Variants in FOXJ1 observed in about 807,000 individuals in gnomAD.
The protein encoded by FOXJ1 is forkhead box protein J1.
Under a neutral mutation model 29.3 loss-of-function variants are expected in FOXJ1, and 8 were observed. That is an observed-to-expected ratio of 0.27 (90% CI 0.16 to 0.49). FOXJ1 has a LOEUF of 0.49. FOXJ1 is among the 20% of genes least tolerant of loss of function. The probability of loss-of-function intolerance (pLI) is 0.98; values close to 1 mark genes in which losing one functional copy is unlikely to be tolerated. For missense variants in FOXJ1, 539 were observed against 595.5 expected, an observed-to-expected ratio of 0.91 and a Z score of 0.99; for synonymous variants, 280 against 278.7, an observed-to-expected ratio of 1.00 and a Z score of -0.05.
At chr17:76,138,228 G>A (rs2068492641) in intron 2 of FOXJ1, 108 bp from the exon 3 acceptor site, 4 of 1,210,008 alleles carry the variant, frequency 3.3e-6, no homozygotes, top group East Asian at 4.7e-5. Context: ...TTCTCTGGCA[G>A]GGGAGAGGAG....
chr17:76,137,735 G>T lies in FOXJ1; in HGVS notation c.884C>A (p.Thr295Asn). 1.9e-6 allele frequency: 3 copies of T among 1,611,124 alleles called. No homozygotes were observed. Among genetic ancestry groups the T allele is most frequent in the East Asian group, 2.2e-5 (1 of 44,842 alleles). Residue 295 changes from threonine to asparagine, a missense_variant, in exon 3 of 3, where the codon ACC (threonine) becomes AAC (asparagine). Thr to Asn is a moderately conservative substitution (Grantham distance 65, BLOSUM62 0). This residue lies in a region of FOXJ1 where 302 missense variants were observed against 293.6 expected (regional missense o/e 1.03). Transcript: ENST00000322957. This position sits in a 1 kb window ranked among gnomAD's most constrained non-coding sequence, Gnocchi z 9.5. ...TTCCAGCTCACCCTGCTCCTCCGGG[G>T]TGGGCAGCAGGGTGCTGGGGGGCCG... Reference protein sequence around the residue: ...VPRPPSTLLPTPEEQGELEPL... With the variant: ...VPRPPSTLLPNPEEQGELEPL...
At position 76,137,949 on chromosome 17, in the gene FOXJ1, A is replaced by T; in HGVS notation, c.670T>A (p.Phe224Ile). The T allele has an allele frequency of 6.3e-7, 1 of 1,585,816 alleles. No homozygotes were observed. The highest frequency in any genetic ancestry group is 8.6e-7 in the Non-Finnish European group (1 of 1,166,048). ...RLPPVHIHPAFARQAAQEPSA... is the reference protein window; with the variant it reads ...RLPPVHIHPAIARQAAQEPSA... The stretch of plus-strand genomic sequence containing the variant: ...GGCTCCTGCGCGGCCTGGCGGGCAA[A>T]GGCTGGGTGGATGTGGACAGGGGGC... The change falls in exon 3 of 3, where the codon TTT becomes ATT. Residue 224 changes from phenylalanine to isoleucine, a missense_variant. Phe to Ile is a conservative substitution (Grantham distance 21, BLOSUM62 0). Transcript: ENST00000322957. The surrounding 1 kb of genome is among the most constrained non-coding windows in gnomAD (Gnocchi z 9.5).
Position 76,137,994 on chromosome 17 carries a change from C to G in FOXJ1, c.625G>C (p.Ala209Pro), listed in dbSNP as rs547142797. ...PQYAERLLSG[A>P]FKKRRLPPVH... ...GGGGGCAGTCGCCGCTTCTTGAAAG[C>G]GCCGCTCAGTAGCCGCTCCGCGTAC... is the stretch of plus-strand genomic sequence containing the variant. Residue 209 changes from alanine to proline, a missense_variant, in exon 3 of 3, where the codon GCT (alanine) becomes CCT (proline). This residue lies in a region of FOXJ1 where 178 missense variants were observed against 254.4 expected (regional missense o/e 0.70). Transcript: ENST00000322957. The surrounding 1 kb of genome is among the most constrained non-coding windows in gnomAD (Gnocchi z 9.5). 55 of 1,610,404 alleles carry G rather than the reference C, an allele frequency of 3.4e-5. 1 individual carries two copies. In the South Asian group the frequency reaches 5.7e-4, roughly 17 times the overall value.
Position 76,140,239 on chromosome 17 carries a change from G to C in FOXJ1, c.157C>G (p.Pro53Ala), listed in dbSNP as rs750029084. 1.7e-5 allele frequency: 25 copies of C among 1,461,424 alleles called. No individual in the cohort carries two copies. The African/African-American group carries it at 2.5e-4, about 15-fold the overall frequency. 90.5% of individuals were successfully genotyped at this position (1,461,424 alleles called of 1,614,324 possible). A position where few individuals can be genotyped will look rare whatever the true frequency, so the allele number is the denominator to read the frequency against. The stretch of plus-strand genomic sequence containing the variant: ...CCGTGGGGGTCGGTGCCCCCCGGGG[G>C]CAGGGCGGGGGCCTTGGCGTTGAGA... ...SILNAKAPAL[P>A]PGGTDPHGYH... The change falls in exon 2 of 3, where the codon CCC (proline) becomes GCC (alanine). Residue 53 changes from proline to alanine, a missense_variant. Physicochemically the swap from Pro to Ala is conservative, Grantham distance 27. This residue lies in a region of FOXJ1 where 178 missense variants were observed against 254.4 expected (regional missense o/e 0.70). Transcript: ENST00000322957. The surrounding 1 kb of genome is among the most constrained non-coding windows in gnomAD (Gnocchi z 8.0).
rs1413588766 is a variant in FOXJ1, at chr17:76,136,805, C to G, written c.*548G>C. The G allele has an allele frequency of 6.6e-6, 1 of 152,150 alleles. No homozygotes were observed. Among genetic ancestry groups the G allele is most frequent in the African/African-American group, 2.4e-5 (1 of 41,236 alleles). 9.4% of individuals were successfully genotyped at this position (152,150 alleles called of 1,614,324 possible). On this transcript the variant is annotated 3_prime_UTR_variant, in exon 3 of 3. Coordinates refer to ENST00000322957, the MANE Select transcript of FOXJ1 (RefSeq NM_001454.4). This position sits in a 1 kb window ranked among gnomAD's most constrained non-coding sequence, Gnocchi z 4.9. ...ACCACCTCATTTTGGTCTCCTCTCT[C>G]TGCCCCCTCCCCCAGTCCATCTTCT...
rs757787470 is a variant in FOXJ1 at position 76,140,129 on chromosome 17, G to T, written c.267C>A (p.Gly89=). The T allele has an allele frequency of 1.3e-6, 2 of 1,583,338 alleles. No homozygotes were observed. Among genetic ancestry groups the T allele is most frequent in the Admixed American group, 1.8e-5 (1 of 56,576 alleles). Residue 89 remains glycine, a synonymous_variant, in exon 2 of 3, where the codon GGC becomes GGA. Transcript: ENST00000322957. The surrounding 1 kb of genome is among the most constrained non-coding windows in gnomAD (Gnocchi z 8.0). Reference sequence around the variant, plus strand: ...GCGACGTGCACGACGACGTGGGCTTGCCCGGCGTGTGTGGCTGCCCCAGGC... The same window carrying T: ...GCGACGTGCACGACGACGTGGGCTTTCCCGGCGTGTGTGGCTGCCCCAGGC... The part of the protein sequence containing the change: ...PACLGQPHTP[G]KPTSSCTSRS...
chr17:76,137,310 C>T lies in FOXJ1; in HGVS notation c.*43G>A. 7.0e-7 allele frequency: 1 copy of T among 1,425,244 alleles called. No individual in the cohort carries two copies. Among genetic ancestry groups the T allele is most frequent in the Non-Finnish European group, 9.2e-7 (1 of 1,089,964 alleles). 88.3% of individuals were successfully genotyped at this position (1,425,244 alleles called of 1,614,324 possible). A position where few individuals can be genotyped will look rare whatever the true frequency, so the allele number is the denominator to read the frequency against. On this transcript the variant is annotated 3_prime_UTR_variant, in exon 3 of 3. Transcript: ENST00000322957. This position sits in a 1 kb window ranked among gnomAD's most constrained non-coding sequence, Gnocchi z 9.5. ...CCTGTGTTGGGGGGCAGTTCTGGAC[C>T]CTGACTTGGGCACTGTCCAGAGGTG...
In FOXJ1 at chr17:76,136,377, A is replaced by T. The variant is rs199553385; in HGVS notation, c.*976T>A. 1.3e-5 allele frequency: 2 copies of T among 152,060 alleles called. No individual in the cohort carries two copies. The highest frequency in any genetic ancestry group is 2.9e-5 in the Non-Finnish European group (2 of 67,924). The allele number at this position is 152,060 out of a possible 1,614,324, so 9.4% of individuals were successfully genotyped here. A position where few individuals can be genotyped will look rare whatever the true frequency, so the allele number is the denominator to read the frequency against. On this transcript the variant is annotated 3_prime_UTR_variant, in exon 3 of 3. Transcript: ENST00000322957. The surrounding 1 kb of genome is among the most constrained non-coding windows in gnomAD (Gnocchi z 4.9). The stretch of plus-strand genomic sequence containing the variant: ...TATTTTTAAAAACTTTTCATTGTAA[A>T]TAACTTTCATGAAAAAGGTTAAATT...
Position 76,137,724 on chromosome 17 carries a change from G to T in FOXJ1, c.895C>A (p.Gln299Lys). The T allele has an allele frequency of 2.5e-6, 4 of 1,611,976 alleles. No homozygotes were observed. The highest frequency in any genetic ancestry group is 3.4e-6 in the Non-Finnish European group (4 of 1,179,386). Residue 299 changes from glutamine to lysine, a missense_variant, in exon 3 of 3, where the codon CAG (glutamine) becomes AAG (lysine). Gln to Lys is a moderately conservative substitution (Grantham distance 53, BLOSUM62 1). Coordinates refer to ENST00000322957, the MANE Select transcript of FOXJ1 (RefSeq NM_001454.4). The surrounding 1 kb of genome is among the most constrained non-coding windows in gnomAD (Gnocchi z 9.5). ...PSTLLPTPEEQGELEPLKGNF... is the reference protein window; with the variant it reads ...PSTLLPTPEEKGELEPLKGNF... ...CCTTTGAGGGGTTCCAGCTCACCCT[G>T]CTCCTCCGGGGTGGGCAGCAGGGTG...
rs745334236 is a variant in FOXJ1, at chr17:76,140,070, G to C, written c.326C>G (p.Pro109Arg). The C allele has an allele frequency of 5.6e-6, 9 of 1,607,322 alleles. No homozygotes were observed. The highest frequency in any genetic ancestry group is 5.0e-5 in the Admixed American group (3 of 59,980). ...ATTGGTGGCGTAGTCCACGTCGTCG[G>C]GGGGTGGGGCCTGCAGCCCCGGGGG... ...SAPPGLQAPP[P>R]DDVDYATNPH... Residue 109 changes from proline (P) to arginine (R), a missense_variant, in exon 2 of 3, where the codon CCC (proline) becomes CGC (arginine). Physicochemically the swap from Pro to Arg is moderately radical, Grantham distance 103. This residue lies in a region of FOXJ1 where 178 missense variants were observed against 254.4 expected (regional missense o/e 0.70). Transcript: ENST00000322957. This position sits in a 1 kb window ranked among gnomAD's most constrained non-coding sequence, Gnocchi z 8.0.
rs1417056948 is a variant in FOXJ1 at position 76,139,519 on chromosome 17, TC to T, written c.498+378del. 6.6e-6 allele frequency among the ~76,000 whole-genome samples: 1 copy of T among 152,194 alleles called. No individual in the cohort carries two copies. The highest frequency in any genetic ancestry group is 1.5e-5 in the Non-Finnish European group (1 of 68,028). ...CAAACCATCCCGGGGCAGGGCAGTG[TC>T]TAGGAATTCTAGGACTTGGGACAAG... On this transcript the variant is annotated intron_variant, in intron 2 of 2. Transcript: ENST00000322957. The surrounding 1 kb of genome is among the most constrained non-coding windows in gnomAD (Gnocchi z 6.6).
Position 76,139,985 on chromosome 17 carries a change from G to A in FOXJ1, c.411C>T (p.Ser137=). The A allele has an allele frequency of 6.2e-7, 1 of 1,613,816 alleles. No homozygotes were observed. The highest frequency in any genetic ancestry group is 2.2e-5 in the East Asian group (1 of 44,822). Residue 137 remains serine, a synonymous_variant, in exon 2 of 3, where the codon AGC becomes AGT. Transcript: ENST00000322957. The surrounding 1 kb of genome is among the most constrained non-coding windows in gnomAD (Gnocchi z 6.6). ...CCGACAGGGTGATCTTGGTGGCCTTGCTGGCCTGCATGGCCATGCAGATGA... is the reference window on the plus strand; with the variant it reads ...CCGACAGGGTGATCTTGGTGGCCTTACTGGCCTGCATGGCCATGCAGATGA... The part of the protein sequence containing the change: ...ATLICMAMQA[S]KATKITLSAI...
Position 76,140,268 on chromosome 17 carries a change from G to T in FOXJ1, c.128C>A (p.Ser43Tyr). ...GGCGGGGGCCTTGGCGTTGAGAATG[G>T]AGAATTCCTGCAGCCACTGCAGGCT... ...LTSLQWLQEF[S>Y]ILNAKAPALP... The change falls in exon 2 of 3, where the codon TCC becomes TAC. Residue 43 changes from serine (S) to tyrosine (Y), a missense_variant. Ser to Tyr is a moderately radical substitution (Grantham distance 144, BLOSUM62 -2). Around this residue, in one of 3 missense-constraint regions of FOXJ1, gnomAD observed 178 missense variants for 254.4 expected, o/e 0.70. Transcript: ENST00000322957. This position sits in a 1 kb window ranked among gnomAD's most constrained non-coding sequence, Gnocchi z 8.0. 6.8e-7 allele frequency: 1 copy of T among 1,477,042 alleles called. No homozygotes were observed. The highest frequency in any genetic ancestry group is 8.9e-7 in the Non-Finnish European group (1 of 1,124,980). The allele number at this position is 1,477,042 out of a possible 1,614,324, so 91.5% of individuals were successfully genotyped here.
chr17:76,137,824 T>C lies in FOXJ1; in HGVS notation c.795A>G (p.Ala265=). Reference sequence around the variant, plus strand: ...GCTTATGCCCCAGCCTGCCCTCGCCTGCACCCCAGCCCGCCTCCCCGGTGG... The same window carrying C: ...GCTTATGCCCCAGCCTGCCCTCGCCCGCACCCCAGCCCGCCTCCCCGGTGG... ...EEATGEAGWG[A]GEGRLGHKRK... is the part of the protein sequence containing the mutation. Residue 265 remains alanine (A), a synonymous_variant, in exon 3 of 3, where the codon GCA becomes GCG. Transcript: ENST00000322957. This position sits in a 1 kb window ranked among gnomAD's most constrained non-coding sequence, Gnocchi z 9.5. The C allele has an allele frequency of 6.3e-6, 10 of 1,596,544 alleles. No individual in the cohort carries two copies. The highest frequency in any genetic ancestry group is 8.5e-6 in the Non-Finnish European group (10 of 1,172,064).
In FOXJ1 at chr17:76,140,443, C is replaced by G; in HGVS notation, c.-48G>C. ...GGCGGTCAGCATCCACGGGCTGAGC[C>G]GGGGGTGGCCCGCCGCGCTCTCTGG... On this transcript the variant is annotated 5_prime_UTR_variant, in exon 2 of 3. Transcript: ENST00000322957. This position sits in a 1 kb window ranked among gnomAD's most constrained non-coding sequence, Gnocchi z 8.0. 5 of 1,368,662 alleles carry G rather than the reference C, an allele frequency of 3.7e-6. No homozygotes were observed. The highest frequency in any genetic ancestry group is 4.7e-6 in the Non-Finnish European group (5 of 1,067,706). The allele number at this position is 1,368,662 out of a possible 1,614,324, so 84.8% of individuals were successfully genotyped here.
rs1351079463 is a variant in FOXJ1, at chr17:76,137,495, G to T, written c.1124C>A (p.Thr375Asn). Residue 375 changes from threonine to asparagine, a missense_variant, in exon 3 of 3, where the codon ACC (threonine) becomes AAC (asparagine). Physicochemically the swap from Thr to Asn is moderately conservative, Grantham distance 65. Coordinates refer to ENST00000322957, the MANE Select transcript of FOXJ1 (RefSeq NM_001454.4). The surrounding 1 kb of genome is among the most constrained non-coding windows in gnomAD (Gnocchi z 9.5). ...QAADSLDFDE[T>N]FLATSFLQHP... is the part of the protein sequence containing the mutation. ...CTGCAGGAAGGATGTGGCCAGGAAG[G>T]TCTCATCGAAGTCCAGGCTGTCGGC... is the stretch of plus-strand genomic sequence containing the variant. The T allele has an allele frequency of 4.4e-6, 7 of 1,583,262 alleles. No homozygotes were observed. The highest frequency in any genetic ancestry group is 2.3e-5 in the East Asian group (1 of 43,440).
rs1020140079 is a variant in FOXJ1 at position 76,139,307 on chromosome 17, G to C, written c.498+591C>G. Reference sequence around the variant, plus strand: ...CAGGAAACTGAGCAGAGGTTGAGGTGGGGGGCTGGGACAGCAGCTTTAGGA... The same window carrying C: ...CAGGAAACTGAGCAGAGGTTGAGGTCGGGGGCTGGGACAGCAGCTTTAGGA... On this transcript the variant is annotated intron_variant, in intron 2 of 2. Transcript: ENST00000322957. The surrounding 1 kb of genome is among the most constrained non-coding windows in gnomAD (Gnocchi z 6.6). 4.6e-5 allele frequency among the ~76,000 whole-genome samples: 7 copies of C among 152,142 alleles called. No individual in the cohort carries two copies. The highest frequency in any genetic ancestry group is 2.1e-4 in the South Asian group (1 of 4,832).
rs201430660 is a variant in FOXJ1 at position 76,138,575 on chromosome 17, G to GGA, written c.499-457_499-456dup. 1.8e-3 allele frequency among the ~76,000 whole-genome samples: 273 copies of GGA among 151,512 alleles called. 1 individual carries two copies. The highest frequency in any genetic ancestry group is 4.3e-3 in the Admixed American group (65 of 15,232). The stretch of plus-strand genomic sequence containing the variant: ...GGCAGCCGAGAGTGGAGAGGAAGGG[G>GGA]GAGAGAGAGAGAGAGCGCGCAGGGA... On this transcript the variant is annotated intron_variant, in intron 2 of 2. Transcript: ENST00000322957.
intron 2 of FOXJ1, among the ~76,000 whole-genome samples, chr17:76,138,855 G>A (rs1032658187): frequency 6.6e-6 from 1 of 152,178 alleles, no homozygotes; most frequent in African/African-American, 2.4e-5. Context: ...AGGGGCATTG[G>A]AAATGGCTTG....
Sources: allele counts gnomAD v4.1 joint callset (sites outside exome capture counted in the v4.1 genomes callset), GRCh38; gene constraint gnomAD v4.1.1; regional missense constraint gnomAD v4.1.1; non-coding constraint Gnocchi (gnomAD v3.1); transcripts MANE v1.5; gene names NCBI Gene and HGNC (gene_info 2026-07-23, HGNC 2026-07-21).